Variants in CWC27 observed in about 807,000 individuals in gnomAD.
CWC27 encodes CWC27 spliceosome associated cyclophilin.
CWC27 carries 47 observed loss-of-function variants against 63.6 expected under a neutral mutation model. That is an observed-to-expected ratio of 0.74 (90% CI 0.58 to 0.94). The LOEUF (loss-of-function observed/expected upper bound fraction) is 0.94. Among genes scored for constraint, CWC27 ranks in the 40% least tolerant of loss-of-function variants. CWC27 has a pLI of 0.00. For synonymous variants in CWC27, 175 were observed against 179.8 expected (o/e 0.97, Z 0.22); for missense variants, 495 against 554.3 (o/e 0.89, Z 1.07).
At chr5:64,789,085 A>G (rs1743986552) in intron 7 of CWC27, 65 bp downstream of exon 7, 5 of 1,069,778 alleles carry the variant, frequency 4.7e-6, no homozygotes, top group South Asian at 3.1e-5. Flanking sequence ...CTTACTCACT[A>G]TTGTATCTCC....
At chr5:64,984,362 A>G (rs1034920379) in intron 13 of CWC27, among the ~76,000 whole-genome samples, 1 of 152,186 alleles carries the variant, frequency 6.6e-6, no homozygotes, top group African/African-American at 2.4e-5. Context: ...TTCAAAAAAT[A>G]TTTGTTGATG....
In CWC27 at chr5:64,786,504, C is replaced by T. The variant is rs147650188; in HGVS notation, c.496-20C>T. The T allele has an allele frequency of 1.1e-5, 16 of 1,411,346 alleles. No homozygotes were observed. Among genetic ancestry groups the T allele is most frequent in the African/African-American group, 2.9e-5 (2 of 68,302 alleles). The allele number at this position is 1,411,346 out of a possible 1,614,324, so 87.4% of individuals were successfully genotyped here. A position where few individuals can be genotyped will look rare whatever the true frequency, so the allele number is the denominator to read the frequency against. ...AATGTTAAAAATGGAATAATGTTTT[C>T]GAAATATTTTTTTTCATAGGTTTTG... is the stretch of plus-strand genomic sequence containing the variant. On this transcript the variant is annotated intron_variant, in intron 5 of 13. Transcript: ENST00000381070.
chr5:64,846,421 A>T (rs1745981096), intron 10 of CWC27, among the ~76,000 whole-genome samples: 1 of 152,214 alleles, frequency 6.6e-6, no homozygotes, highest in Admixed American at 6.5e-5. Context: ...AAAGTATAGA[A>T]TTGTTGTATG....
At chr5:64,785,455 A>C in intron 4 of CWC27, 26 bp from the exon 5 acceptor site, 2 of 1,136,496 alleles carry the variant, frequency 1.8e-6, no homozygotes, top group South Asian at 6.3e-5. Flanking sequence ...ATAATTTTCA[A>C]TTACATTATA....
intron 10 of CWC27, among the ~76,000 whole-genome samples, chr5:64,852,321 A>T (rs1290688985): frequency 6.6e-6 from 1 of 152,234 alleles, no homozygotes; most frequent in Non-Finnish European, 1.5e-5. Flanking sequence ...AATGAAAATG[A>T]AATAAATGGC....
chr5:64,886,925 G>T (rs1415248700), intron 11 of CWC27, among the ~76,000 whole-genome samples: 1 of 151,842 alleles, frequency 6.6e-6, no homozygotes, highest in African/African-American at 2.4e-5. Context: ...GGTACAGTCA[G>T]GATTATTTTA....
intron 7 of CWC27, among the ~76,000 whole-genome samples, chr5:64,790,021 G>A (rs950367877): frequency 2.0e-5 from 3 of 151,984 alleles, no homozygotes; most frequent in Admixed American, 6.6e-5. Flanking sequence ...AATGTTGGAC[G>A]CCTAGTAAGC....
intron 4 of CWC27, among the ~76,000 whole-genome samples, chr5:64,784,724 A>G (rs1432478211): frequency 6.6e-6 from 1 of 152,210 alleles, no homozygotes; most frequent in Admixed American, 6.5e-5. Flanking sequence ...AACTCTTGAA[A>G]AACACTGAAT....
At chr5:64,907,424 T>A (rs899778902) in intron 11 of CWC27, among the ~76,000 whole-genome samples, 3 of 152,176 alleles carry the variant, frequency 2.0e-5, no homozygotes, top group Admixed American at 6.5e-5. Flanking sequence ...ATTCTCTTTG[T>A]AACAATTGTG....
At chr5:64,798,048 G>GT in intron 7 of CWC27, among the ~76,000 whole-genome samples, 1 of 152,226 alleles carries the variant, frequency 6.6e-6, no homozygotes, top group East Asian at 1.9e-4. Context: ...ATTTCTGAAG[G>GT]TAGATGAAAA....
At chr5:64,965,325 A>G (rs1463501821) in intron 11 of CWC27, among the ~76,000 whole-genome samples, 1 of 152,222 alleles carries the variant, frequency 6.6e-6, no homozygotes, top group Non-Finnish European at 1.5e-5. Context: ...CCATAATCAG[A>G]GGACAAAAAG....
At chr5:64,951,598 A>G (rs375383613) in intron 11 of CWC27, among the ~76,000 whole-genome samples, 69 of 152,040 alleles carry the variant, frequency 4.5e-4, no homozygotes, top group African/African-American at 1.6e-3. Context: ...GAACATTTTC[A>G]TGATCTCAAA....
chr5:64,822,304 C>T (rs553473119), intron 10 of CWC27, among the ~76,000 whole-genome samples: 8 of 152,294 alleles, frequency 5.3e-5, no homozygotes, highest in African/African-American at 1.9e-4. Flanking sequence ...GCATAAAGCT[C>T]TCAGCTGAGC....
At chr5:65,008,926 A>C (rs540207620) in intron 13 of CWC27, among the ~76,000 whole-genome samples, 1 of 152,300 alleles carries the variant, frequency 6.6e-6, no homozygotes, top group Admixed American at 6.5e-5. Flanking sequence ...TACACAAAAC[A>C]CTTTGAAAGG....
rs1355065474 is a variant in CWC27 at position 65,018,251 on chromosome 5, G to A, written c.1349G>A (p.Arg450Gln). 5 of 1,606,200 alleles carry A rather than the reference G, an allele frequency of 3.1e-6. No individual in the cohort carries two copies. Among genetic ancestry groups the A allele is most frequent in the African/African-American group, 1.3e-5 (1 of 74,364 alleles). The change falls in exon 14 of 14, where the codon CGG becomes CAG. Residue 450 changes from arginine to glutamine, a missense_variant. Physicochemically the swap from Arg to Gln is conservative, Grantham distance 43. This residue lies in a region of CWC27 where 12 missense variants were observed against 34.1 expected (regional missense o/e 0.35). Coordinates refer to ENST00000381070, the MANE Select transcript of CWC27 (RefSeq NM_005869.4). ...GATACATTTGAAATCTATGATCCTC[G>A]GAATCCAGTGAATAAAAGAAGGAGG... The part of the protein sequence containing the change: ...DSDTFEIYDP[R>Q]NPVNKRRREE...
At position 64,804,345 on chromosome 5, in the gene CWC27, A is replaced by G; in HGVS notation, c.897A>G (p.Ser299=). The change falls in exon 10 of 14, where the codon TCA becomes TCG. Residue 299 remains serine (S), a synonymous_variant. Coordinates refer to ENST00000381070, the MANE Select transcript of CWC27 (RefSeq NM_005869.4). ...LKKDTSANVK[S]AGEGEVEKKS... is the part of the protein sequence containing the mutation. ...AGGACACAAGTGCGAATGTTAAATCAGCTGGAGAAGGAGAAGTGGAGAAGA... is the reference window on the plus strand; with the variant it reads ...AGGACACAAGTGCGAATGTTAAATCGGCTGGAGAAGGAGAAGTGGAGAAGA... The G allele has an allele frequency of 6.2e-7, 1 of 1,612,982 alleles. No individual in the cohort carries two copies. Among genetic ancestry groups the G allele is most frequent in the Non-Finnish European group, 8.5e-7 (1 of 1,179,532 alleles).
intron 7 of CWC27, among the ~76,000 whole-genome samples, chr5:64,798,089 G>T (rs1363881355): frequency 6.6e-6 from 1 of 152,152 alleles, no homozygotes; most frequent in Non-Finnish European, 1.5e-5. Flanking sequence ...CAGGAGGAAG[G>T]AATTTTAAGG....
chr5:64,959,069 G>T (rs938008986), intron 11 of CWC27, among the ~76,000 whole-genome samples: 1 of 151,998 alleles, frequency 6.6e-6, no homozygotes, highest in East Asian at 1.9e-4. Flanking sequence ...ATAAATGGTA[G>T]TTTTTTTATT....
chr5:64,940,311 T>A (rs980151111), intron 11 of CWC27, among the ~76,000 whole-genome samples: 1 of 152,174 alleles, frequency 6.6e-6, no homozygotes, highest in African/African-American at 2.4e-5. Flanking sequence ...GTATCTGGGC[T>A]GGAGGGCACC....
Sources: gnomAD v4.1 joint callset for allele counts (sites outside exome capture counted in the v4.1 genomes callset) on GRCh38, gnomAD v4.1.1 for gene constraint, gnomAD v4.1.1 regional missense constraint, MANE v1.5 for transcripts, NCBI Gene and HGNC (gene_info 2026-07-23, HGNC 2026-07-21) for gene names.